Variants in SLC26A7 observed in about 807,000 individuals in gnomAD.
The protein encoded by SLC26A7 is solute carrier family 26 member 7.
In SLC26A7, 59 loss-of-function variants were observed where a neutral mutation model predicts 82.5. The ratio of observed to expected loss-of-function variants is 0.72; its 90% CI spans 0.58 to 0.89. SLC26A7 has a LOEUF of 0.89. Ranked by LOEUF, SLC26A7 falls within the 40% of genes least tolerant of loss-of-function variation. The pLI is 0.00. For synonymous variants in SLC26A7, 271 were observed against 274.3 expected (o/e 0.99, Z 0.12); for missense variants, 820 against 793.0 (o/e 1.03, Z -0.41).
chr8:91,359,493 C>G (rs898931414), intron 11 of SLC26A7, among the ~76,000 whole-genome samples: 3 of 152,064 alleles, frequency 2.0e-5, no homozygotes, highest in Admixed American at 6.6e-5. Context: ...TTTGTAGTCT[C>G]CTACTTAGAC....
intron 8 of SLC26A7, 55 bp downstream of exon 8, chr8:91,340,606 T>C (rs1563688189): frequency 6.3e-7 from 1 of 1,577,586 alleles, no homozygotes; most frequent in Non-Finnish European, 8.7e-7. Context: ...CACTGTGCAC[T>C]CCCAGATCCT....
At chr8:91,240,492 A>G (rs1203103795) in intron 2 of SLC26A7, among the ~76,000 whole-genome samples, 1 of 152,228 alleles carries the variant, frequency 6.6e-6, no homozygotes, top group Non-Finnish European at 1.5e-5. Flanking sequence ...TCAACAAACT[A>G]AAATGGCTTA....
At chr8:91,319,822 A>C (rs1812741141) in intron 5 of SLC26A7, among the ~76,000 whole-genome samples, 1 of 152,182 alleles carries the variant, frequency 6.6e-6, no homozygotes, top group South Asian at 2.1e-4. Flanking sequence ...CTCTTGAATC[A>C]TATCTGCATA....
intron 2 of SLC26A7, among the ~76,000 whole-genome samples, chr8:91,244,301 T>G (rs1810514509): frequency 6.6e-6 from 1 of 152,122 alleles, no homozygotes; most frequent in East Asian, 1.9e-4. Flanking sequence ...TTGCCTTGCC[T>G]TTTCTTCTCT....
At chr8:91,265,456 G>A (rs2130724265) in intron 2 of SLC26A7, among the ~76,000 whole-genome samples, 1 of 152,022 alleles carries the variant, frequency 6.6e-6, no homozygotes, top group East Asian at 1.9e-4. Context: ...TTCTGAGGAA[G>A]CTCCATACAA....
chr8:91,270,626 T>G (rs1024387317), intron 2 of SLC26A7, among the ~76,000 whole-genome samples: 9 of 152,160 alleles, frequency 5.9e-5, no homozygotes, highest in African/African-American at 2.2e-4. Context: ...CCCACCAATC[T>G]CTGGCAGCCA....
At chr8:91,246,190 G>A (rs1201410187), upstream of SLC26A7, among the ~76,000 whole-genome samples, 1 of 152,062 alleles carries the variant, frequency 6.6e-6, no homozygotes, top group Non-Finnish European at 1.5e-5. Flanking sequence ...AATGATTTTT[G>A]GGTACTTTTG....
At chr8:91,291,776 T>C (rs186062634) in intron 3 of SLC26A7, among the ~76,000 whole-genome samples, 3 of 152,328 alleles carry the variant, frequency 2.0e-5, no homozygotes, top group Admixed American at 2.0e-4. Context: ...AATCTTATAG[T>C]CTACTTGATA....
At chr8:91,361,662 A>G (rs986763257) in intron 11 of SLC26A7, among the ~76,000 whole-genome samples, 10 of 152,250 alleles carry the variant, frequency 6.6e-5, no homozygotes, top group African/African-American at 1.9e-4. Context: ...CTTGTTGCAA[A>G]TTATAATTTT....
chr8:91,325,995 T>A (rs1461762608), intron 5 of SLC26A7, among the ~76,000 whole-genome samples: 2 of 152,164 alleles, frequency 1.3e-5, no homozygotes, highest in Admixed American at 1.3e-4. Context: ...CTTCTGAACA[T>A]TTCCTTTGAT....
rs1312806533 is a variant in SLC26A7 at position 91,369,683 on chromosome 8, G to GT, written c.1627-95dup. The GT allele has an allele frequency of 2.6e-4, 216 of 837,366 alleles. 2 individuals are homozygous for GT. Among genetic ancestry groups the GT allele is most frequent in the Middle Eastern group, 3.3e-4 (1 of 3,050 alleles). The allele number at this position is 837,366 out of a possible 1,614,324, so 51.9% of individuals were successfully genotyped here. A position where few individuals can be genotyped will look rare whatever the true frequency, so the allele number is the denominator to read the frequency against. ...TAGTGAAAAACAATTTTGGAGATGA[G>GT]TTTTTTTGTTATTCTTTATAAGTAA... On this transcript the variant is annotated intron_variant, in intron 14 of 18. Coordinates refer to ENST00000276609, the MANE Select transcript of SLC26A7 (RefSeq NM_052832.4).
At chr8:91,351,367 A>G (rs763991306) in intron 9 of SLC26A7, among the ~76,000 whole-genome samples, 1 of 152,188 alleles carries the variant, frequency 6.6e-6, no homozygotes, top group Admixed American at 6.6e-5. Flanking sequence ...TAAATGCTTC[A>G]GTGGAAATTA....
chr8:91,274,441 T>G (rs537926558), intron 2 of SLC26A7, among the ~76,000 whole-genome samples: 2 of 151,924 alleles, frequency 1.3e-5, no homozygotes, highest in South Asian at 2.1e-4. Context: ...TATAACATAG[T>G]GGTAGACAGA....
intron 4 of SLC26A7, among the ~76,000 whole-genome samples, chr8:91,314,762 G>C (rs949537407): frequency 6.6e-6 from 1 of 152,138 alleles, no homozygotes; most frequent in Non-Finnish European, 1.5e-5. Flanking sequence ...TTTTTTAAAA[G>C]TATAATAATG....
At chr8:91,304,942 T>C (rs956896806) in intron 4 of SLC26A7, among the ~76,000 whole-genome samples, 1 of 152,174 alleles carries the variant, frequency 6.6e-6, no homozygotes, top group Admixed American at 6.5e-5. Flanking sequence ...AACATAATCA[T>C]CTCAGAGAAG....
chr8:91,365,401 G>A (rs1050478197), intron 13 of SLC26A7, among the ~76,000 whole-genome samples: 1 of 152,206 alleles, frequency 6.6e-6, no homozygotes, highest in Non-Finnish European at 1.5e-5. Context: ...TAGGTGGCAT[G>A]TGGCTCACAG....
intron 3 of SLC26A7, among the ~76,000 whole-genome samples, chr8:91,290,662 C>A (rs1161768034): frequency 6.6e-6 from 1 of 152,142 alleles, no homozygotes; most frequent in African/African-American, 2.4e-5. Context: ...AGCTGCTTGG[C>A]AACTTTAATT....
intron 5 of SLC26A7, among the ~76,000 whole-genome samples, chr8:91,320,736 G>T (rs986212583): frequency 5.9e-5 from 9 of 152,190 alleles, no homozygotes; most frequent in Non-Finnish European, 1.2e-4. Flanking sequence ...GCCTTGGCTA[G>T]CATGTCAAAG....
At chr8:91,385,837 T>G (rs187648869) in intron 15 of SLC26A7, among the ~76,000 whole-genome samples, 100 of 152,316 alleles carry the variant, frequency 6.6e-4, no homozygotes, top group African/African-American at 2.2e-3. Context: ...AAGTGAAATA[T>G]GGTAGGATAG....
Sources: allele counts gnomAD v4.1 joint callset (sites outside exome capture counted in the v4.1 genomes callset), GRCh38; gene constraint gnomAD v4.1.1; transcripts MANE v1.5; gene names NCBI Gene and HGNC (gene_info 2026-07-23, HGNC 2026-07-21).